Variants in THNSL1 observed in about 807,000 individuals in gnomAD.
The protein encoded by THNSL1 is threonine synthase like 1.
Under a neutral mutation model 50.4 loss-of-function variants are expected in THNSL1, and 48 were observed. The ratio of observed to expected loss-of-function variants is 0.95; its 90% CI spans 0.76 to 1.21. The LOEUF (loss-of-function observed/expected upper bound fraction) is 1.21. Among genes scored for constraint, THNSL1 ranks in the 50% most tolerant of loss-of-function variants. The probability of loss-of-function intolerance (pLI) is 0.00; values close to 1 mark genes in which losing one functional copy is unlikely to be tolerated. For synonymous variants in THNSL1, 309 were observed against 306.1 expected (o/e 1.01, Z -0.10); for missense variants, 896 against 871.7 (o/e 1.03, Z -0.35).
intron 1 of THNSL1, among the ~76,000 whole-genome samples, chr10:25,021,109 C>T (rs1011157387): frequency 6.6e-6 from 1 of 152,084 alleles, no homozygotes; most frequent in Non-Finnish European, 1.5e-5. Flanking sequence ...TAAACCAAAC[C>T]ATAAAAAAAA....
At chr10:24,997,541 C>T in the THNSL1 span, among the ~76,000 whole-genome samples, 1 of 151,850 alleles carries the variant, frequency 6.6e-6, no homozygotes. Flanking sequence ...TGTGCATCAG[C>T]ACACCTAGCT....
At chr10:24,976,874 A>G in the THNSL1 span, among the ~76,000 whole-genome samples, 1 of 152,184 alleles carries the variant, frequency 6.6e-6, no homozygotes, top group Non-Finnish European at 1.5e-5. Context: ...TAATTCTGCA[A>G]AAAAGCCAGG....
At chr10:24,975,144 G>A in the THNSL1 span, among the ~76,000 whole-genome samples, 3 of 151,962 alleles carry the variant, frequency 2.0e-5, no homozygotes, top group African/African-American at 4.8e-5. Flanking sequence ...TTGAGCCATC[G>A]AGCTTATTCA....
At chr10:24,995,699 C>G in the THNSL1 span, 10 of 1,614,022 alleles carry the variant, frequency 6.2e-6, no homozygotes, top group Non-Finnish European at 8.5e-6. Flanking sequence ...TCATGCTTGT[C>G]TCCAGTTCTT....
rs1850765359 is a variant in THNSL1, at chr10:25,023,424, G to C, written c.201G>C (p.Gly67=). Residue 67 remains glycine, a synonymous_variant, in exon 3 of 3, where the codon GGG becomes GGC. Coordinates refer to ENST00000376356, the MANE Select transcript of THNSL1 (RefSeq NM_024838.5). ...TCCTGATGGGACCTCCTGGTGCTGG[G>C]AAAACAACAGTAGGCAGAATAATAG... The part of the protein sequence containing the change: ...NIILMGPPGA[G]KTTVGRIIGQ... 1 of 1,614,116 alleles carries C rather than the reference G, an allele frequency of 6.2e-7. No individual in the cohort carries two copies. The highest frequency in any genetic ancestry group is 1.3e-5 in the African/African-American group (1 of 75,038).
chr10:24,990,608 T>C, the THNSL1 span: 1 of 1,593,318 alleles, frequency 6.3e-7, no homozygotes, highest in Non-Finnish European at 8.5e-7. Flanking sequence ...GACACCATAA[T>C]CCTAAAAAGA....
At chr10:24,979,290 G>T in the THNSL1 span, among the ~76,000 whole-genome samples, 1 of 152,160 alleles carries the variant, frequency 6.6e-6, no homozygotes, top group Non-Finnish European at 1.5e-5. Flanking sequence ...GTTGTGGCTG[G>T]TATTAATGGC....
At chr10:24,987,762 C>T in the THNSL1 span, among the ~76,000 whole-genome samples, 1 of 151,960 alleles carries the variant, frequency 6.6e-6, no homozygotes, top group Non-Finnish European at 1.5e-5. Flanking sequence ...AGTTTTAGTC[C>T]CTATTGATGT....
At chr10:25,019,000 C>T (rs1850667215) in intron 1 of THNSL1, among the ~76,000 whole-genome samples, 1 of 152,114 alleles carries the variant, frequency 6.6e-6, no homozygotes, top group Non-Finnish European at 1.5e-5. Flanking sequence ...CCACCCTCAC[C>T]TCTGTTTCAT....
At chr10:24,976,141 C>T in the THNSL1 span, among the ~76,000 whole-genome samples, 4 of 152,270 alleles carry the variant, frequency 2.6e-5, no homozygotes, top group Admixed American at 2.6e-4. Context: ...ACGACTGCTC[C>T]TAAGTACCTT....
the THNSL1 span, chr10:24,984,692 T>A: frequency 6.6e-7 from 1 of 1,520,966 alleles, no homozygotes. Context: ...CCATGTTTTT[T>A]TCCCCTACAT....
chr10:24,965,402 C>T, the THNSL1 span, among the ~76,000 whole-genome samples: 7 of 152,176 alleles, frequency 4.6e-5, no homozygotes, highest in African/African-American at 1.7e-4. Context: ...CATTGACTTG[C>T]CCAGCCCTGA....
Position 25,023,428 on chromosome 10 carries a change from A to G in THNSL1, c.205A>G (p.Thr69Ala), listed in dbSNP as rs1564349313. The change falls in exon 3 of 3, where the codon ACA (threonine) becomes GCA (alanine). Residue 69 changes from threonine to alanine, a missense_variant. Physicochemically the swap from Thr to Ala is moderately conservative, Grantham distance 58 (BLOSUM62 0). Coordinates refer to ENST00000376356, the MANE Select transcript of THNSL1 (RefSeq NM_024838.5). ...GATGGGACCTCCTGGTGCTGGGAAA[A>G]CAACAGTAGGCAGAATAATAGGTCA... is the stretch of plus-strand genomic sequence containing the variant. ...ILMGPPGAGK[T>A]TVGRIIGQKL... 1 of 1,614,052 alleles carries G rather than the reference A, an allele frequency of 6.2e-7. No individual in the cohort carries two copies. Among genetic ancestry groups the G allele is most frequent in the African/African-American group, 1.3e-5 (1 of 74,932 alleles).
At chr10:25,015,876 G>T (rs762609722), upstream of THNSL1, 1 of 1,605,404 alleles carries the variant, frequency 6.2e-7, no homozygotes, top group Non-Finnish European at 8.5e-7. Flanking sequence ...GGCTGGGGAG[G>T]CTCCTTCAAG....
At chr10:24,984,379 G>GAAAAA in the THNSL1 span, 1 of 1,423,582 alleles carries the variant, frequency 7.0e-7, no homozygotes, top group South Asian at 1.4e-5. Context: ...ATCATGCGCT[G>GAAAAA]CAGAAAAAAA....
the THNSL1 span, among the ~76,000 whole-genome samples, chr10:24,980,105 C>T: frequency 6.6e-6 from 1 of 152,190 alleles, no homozygotes; most frequent in Non-Finnish European, 1.5e-5. Context: ...TCTGATCTTC[C>T]ACTTCAGTCC....
At chr10:24,997,486 A>C in the THNSL1 span, among the ~76,000 whole-genome samples, 1 of 150,912 alleles carries the variant, frequency 6.6e-6, no homozygotes, top group Non-Finnish European at 1.5e-5. Flanking sequence ...TCCTGGGCTC[A>C]GGTGATCCTC....
intron 1 of THNSL1, among the ~76,000 whole-genome samples, chr10:25,018,385 CTG>C (rs1440765368): frequency 6.6e-6 from 1 of 152,228 alleles, no homozygotes; most frequent in Non-Finnish European, 1.5e-5. Context: ...GATGAACAAA[CTG>C]TCTATAAAGG....
the THNSL1 span, among the ~76,000 whole-genome samples, chr10:24,976,240 G>T: frequency 6.6e-6 from 1 of 152,182 alleles, no homozygotes; most frequent in South Asian, 2.1e-4. Context: ...ATTTTATTGT[G>T]TGTGAAGGGA....
Sources: allele counts gnomAD v4.1 joint callset (sites outside exome capture counted in the v4.1 genomes callset), GRCh38; gene constraint gnomAD v4.1.1; transcripts MANE v1.5; gene names NCBI Gene and HGNC (gene_info 2026-07-23, HGNC 2026-07-21).